The following LPP variants were observed in gnomAD, a reference collection of about 807,000 sequenced individuals.
LPP encodes lipoma-preferred partner.
Under a neutral mutation model 60.4 loss-of-function variants are expected in LPP, and 38 were observed. The observed-to-expected ratio is 0.63, with a 90% CI of 0.49 to 0.83. The LOEUF is 0.83. Among genes scored for constraint, LPP ranks in the 40% least tolerant of loss-of-function variants. The probability of loss-of-function intolerance (pLI) is 0.00; values close to 1 mark genes in which losing one functional copy is unlikely to be tolerated. For synonymous variants in LPP, 328 were observed against 290.8 expected (o/e 1.13, Z -1.30); for missense variants, 902 against 783.6 (o/e 1.15, Z -1.80).
intron 1 of LPP, among the ~76,000 whole-genome samples, chr3:188,164,110 G>A (rs1719220119): frequency 6.6e-6 from 1 of 152,178 alleles, no homozygotes; most frequent in Non-Finnish European, 1.5e-5. Context: ...CCGTGGGAGA[G>A]GCGCATGTGA....
intron 6 of LPP, among the ~76,000 whole-genome samples, chr3:188,586,334 A>G (rs1837435865): frequency 6.6e-6 from 1 of 152,158 alleles, no homozygotes; most frequent in African/African-American, 2.4e-5. Context: ...AAACAATGGT[A>G]ATGAGATATG....
At chr3:188,458,722 C>A (rs1798308857) in intron 4 of LPP, among the ~76,000 whole-genome samples, 1 of 152,108 alleles carries the variant, frequency 6.6e-6, no homozygotes, top group Non-Finnish European at 1.5e-5. Flanking sequence ...CATCTCTCAA[C>A]CATAAATAAC....
At chr3:188,747,845 C>T (rs993718832) in intron 8 of LPP, among the ~76,000 whole-genome samples, 2 of 152,166 alleles carry the variant, frequency 1.3e-5, no homozygotes, top group Non-Finnish European at 1.5e-5. Context: ...GAGAATTCTT[C>T]AGAGATACAA....
At chr3:188,461,903 A>C (rs1372479082) in intron 4 of LPP, among the ~76,000 whole-genome samples, 1 of 152,084 alleles carries the variant, frequency 6.6e-6, no homozygotes, top group Non-Finnish European at 1.5e-5. Context: ...TTCTTCACTC[A>C]TATTTCTCAC....
At chr3:188,475,420 T>A (rs1328475867) in intron 4 of LPP, among the ~76,000 whole-genome samples, 2 of 152,182 alleles carry the variant, frequency 1.3e-5, no homozygotes, top group Non-Finnish European at 2.9e-5. Flanking sequence ...TTATTTTTGG[T>A]TTTTTAAAAA....
chr3:188,808,717 C>G (rs1295704619), intron 9 of LPP, among the ~76,000 whole-genome samples: 1 of 152,078 alleles, frequency 6.6e-6, no homozygotes, highest in Non-Finnish European at 1.5e-5. Flanking sequence ...GCAGAACATG[C>G]AGGTTTGTTA....
At chr3:188,207,004 A>G (rs1215622491) in intron 1 of LPP, among the ~76,000 whole-genome samples, 1 of 152,156 alleles carries the variant, frequency 6.6e-6, no homozygotes, top group Non-Finnish European at 1.5e-5. Context: ...CTATTTTCTT[A>G]AACTCATCAA....
intron 4 of LPP, among the ~76,000 whole-genome samples, chr3:188,446,799 T>C (rs559166865): frequency 1.3e-5 from 2 of 152,340 alleles, no homozygotes; most frequent in South Asian, 4.1e-4. Context: ...GTGATTGTTT[T>C]CATGGCTTTC....
At chr3:188,798,765 C>G (rs1397867590) in intron 9 of LPP, among the ~76,000 whole-genome samples, 2 of 129,188 alleles carry the variant, frequency 1.5e-5, no homozygotes, top group African/African-American at 2.9e-5. Flanking sequence ...CATGGGAAGC[C>G]CACGCTGGGA....
At chr3:188,532,340 G>C (rs1375376371) in intron 6 of LPP, among the ~76,000 whole-genome samples, 2 of 152,158 alleles carry the variant, frequency 1.3e-5, no homozygotes, top group African/African-American at 2.4e-5. Context: ...CAGGAGAATT[G>C]CTTGAACCTA....
chr3:188,742,110 A>G (rs1724644064), intron 8 of LPP, among the ~76,000 whole-genome samples: 1 of 152,142 alleles, frequency 6.6e-6, no homozygotes, highest in African/African-American at 2.4e-5. Context: ...AGGTACCTCC[A>G]TACATTGATG....
chr3:188,402,811 C>T (rs1029771259), intron 3 of LPP, among the ~76,000 whole-genome samples: 7 of 151,996 alleles, frequency 4.6e-5, no homozygotes, highest in Non-Finnish European at 1.0e-4. Flanking sequence ...ATAAGTATGC[C>T]GAAAGTACTA....
chr3:188,789,816 G>A (rs1370736334), intron 9 of LPP, among the ~76,000 whole-genome samples: 1 of 152,016 alleles, frequency 6.6e-6, no homozygotes, highest in Non-Finnish European at 1.5e-5. Flanking sequence ...AATAACAAAT[G>A]AACCAATGAA....
chr3:188,255,311 C>G (rs368286466), intron 2 of LPP, among the ~76,000 whole-genome samples: 2 of 152,148 alleles, frequency 1.3e-5, no homozygotes, highest in Non-Finnish European at 1.5e-5. Context: ...AACGGAGGCT[C>G]AGAGACTTTG....
intron 1 of LPP, among the ~76,000 whole-genome samples, chr3:188,199,588 C>T (rs1411389931): frequency 1.3e-5 from 2 of 152,116 alleles, no homozygotes; most frequent in Non-Finnish European, 2.9e-5. Context: ...TCAGTAGTTA[C>T]GCTATAACCA....
At chr3:188,244,504 ACT>A (rs1726160230) in intron 2 of LPP, among the ~76,000 whole-genome samples, 1 of 152,142 alleles carries the variant, frequency 6.6e-6, no homozygotes, top group South Asian at 2.1e-4. Flanking sequence ...GAGCTGAATC[ACT>A]GTTTGGTCTG....
At chr3:188,644,921 C>A (rs945553322) in intron 7 of LPP, among the ~76,000 whole-genome samples, 1 of 152,306 alleles carries the variant, frequency 6.6e-6, no homozygotes, top group South Asian at 2.1e-4. Context: ...CAAAGCTAGA[C>A]TCAAATTTTG....
intron 9 of LPP, 135 bp from the exon 10 acceptor site, chr3:188,866,065 T>C: frequency 1.7e-6 from 1 of 578,508 alleles, no homozygotes; most frequent in Non-Finnish European, 2.7e-6. Flanking sequence ...TAGATGTGGT[T>C]TGTAAATGGT....
chr3:188,417,406 G>A (rs567624534), intron 4 of LPP, among the ~76,000 whole-genome samples: 1 of 151,958 alleles, frequency 6.6e-6, no homozygotes, highest in African/African-American at 2.4e-5. Flanking sequence ...AGCAGAAAAG[G>A]GTGGTGGACA....
Sources: allele counts gnomAD v4.1 joint callset (sites outside exome capture counted in the v4.1 genomes callset), GRCh38; gene constraint gnomAD v4.1.1; transcripts MANE v1.5; gene names NCBI Gene and HGNC (gene_info 2026-07-23, HGNC 2026-07-21).